The following APOO variants were observed in gnomAD, a reference collection of about 807,000 sequenced individuals.
The protein encoded by APOO is apolipoprotein O, also known as MICOS complex subunit MIC26.
Under a neutral mutation model 23.1 loss-of-function variants are expected in APOO, and 11 were observed. The observed-to-expected ratio is 0.48, with a 90% CI of 0.30 to 0.79. The LOEUF (loss-of-function observed/expected upper bound fraction) is 0.79. APOO is among the 30% of genes least tolerant of loss of function. The pLI, the probability that APOO is intolerant of heterozygous loss-of-function variation, is 0.07. For synonymous variants in APOO, 59 were observed against 54.8 expected (o/e 1.08, Z -0.34); for missense variants, 160 against 142.7 (o/e 1.12, Z -0.62).
chrX:23,856,222 G>A, intron 7 of APOO, 80 bp downstream of exon 7: 1 of 959,039 alleles, frequency 1.0e-6, no homozygotes, highest in East Asian at 3.1e-5. Flanking sequence ...AAATCAACAG[G>A]GTTATCAAAT....
intron 5 of APOO, among the ~76,000 whole-genome samples, chrX:23,867,954 C>T (rs1472128032): frequency 1.8e-5 from 2 of 112,172 alleles, no homozygotes; most frequent in East Asian, 5.5e-4. Context: ...GGTCTGATTA[C>T]AGGATTCATA....
chrX:23,840,444 G>C lies in APOO; in HGVS notation c.562-67C>G, dbSNP rs1302565151. The C allele has an allele frequency of 4.0e-6, 4 of 997,846 alleles. No homozygotes were observed. In the African/African-American group the frequency reaches 7.8e-5, roughly 19 times the overall value. 82.2% of individuals were successfully genotyped at this position (997,846 alleles called of 1,213,427 possible). ...AAATAGTGCAACTCCTTAGTGTCCT[G>C]AGTATTTGGCTGAACATGAACATTA... On this transcript the variant is annotated intron_variant, in intron 7 of 8. Transcript: ENST00000379226.
chrX:23,891,423 C>T (rs1048793106), intron 1 of APOO, among the ~76,000 whole-genome samples: 2 of 111,445 alleles, frequency 1.8e-5, no homozygotes, highest in African/African-American at 6.5e-5. Context: ...GACAGGGTTT[C>T]GCCATGTTGG....
Position 23,907,689 on chromosome X carries a change from C to G in APOO, c.9+5G>C. The G allele has an allele frequency of 8.6e-7, 1 of 1,159,709 alleles. No individual in the cohort carries two copies. Among genetic ancestry groups the G allele is most frequent in the Non-Finnish European group, 1.1e-6 (1 of 870,193 alleles). On this transcript the variant is annotated splice_donor_5th_base_variant and intron_variant, in intron 1 of 8. Coordinates refer to ENST00000379226, the MANE Select transcript of APOO (RefSeq NM_024122.5). ...GACAGCTGTGACTCGACTCCACGCT[C>G]TCACCTTGAACATGTCGCTGGCAGC...
chrX:23,896,549 T>C lies in APOO; in HGVS notation c.9+11145A>G, dbSNP rs1000811941. On this transcript the variant is annotated intron_variant, in intron 1 of 8. Transcript: ENST00000379226. Reference sequence around the variant, plus strand: ...AATCTATCCTCTCAAAACGACTGTTTTGATGCATTCATTTGAATGTAAAAT... The same window carrying C: ...AATCTATCCTCTCAAAACGACTGTTCTGATGCATTCATTTGAATGTAAAAT... 2.7e-5 allele frequency among the ~76,000 whole-genome samples: 3 copies of C among 111,957 alleles called. No homozygotes were observed. In the East Asian group the frequency reaches 8.4e-4, roughly 31 times the overall value.
chrX:23,835,083 C>T (rs1293107015), intron 8 of APOO, among the ~76,000 whole-genome samples: 35 of 96,294 alleles, frequency 3.6e-4, no homozygotes, highest in African/African-American at 1.4e-3. Context: ...TTTTTTGAGA[C>T]GGAGTTTCAC....
At chrX:23,875,141 T>G (rs1319975973) in intron 3 of APOO, among the ~76,000 whole-genome samples, 2 of 108,607 alleles carry the variant, frequency 1.8e-5, no homozygotes, top group African/African-American at 6.7e-5. Context: ...TCCCAGCTAC[T>G]CGGGAGGCTG....
At chrX:23,838,134 C>T (rs1472220649) in intron 8 of APOO, among the ~76,000 whole-genome samples, 1 of 104,402 alleles carries the variant, frequency 9.6e-6, no homozygotes, top group African/African-American at 3.5e-5. Flanking sequence ...GCAGGTGGAT[C>T]ACCTGAGGTC....
intron 1 of APOO, among the ~76,000 whole-genome samples, chrX:23,899,158 C>T (rs1034146230): frequency 8.0e-5 from 9 of 111,921 alleles, no homozygotes; most frequent in Non-Finnish European, 9.4e-5. Flanking sequence ...GAATAAAACA[C>T]GCTGCATTGC....
chrX:23,895,777 G>A (rs1490178048), intron 1 of APOO, among the ~76,000 whole-genome samples: 2 of 108,578 alleles, frequency 1.8e-5, no homozygotes, highest in Non-Finnish European at 3.8e-5. Context: ...TGGTGGTGGC[G>A]GTAAAGAATC....
intron 1 of APOO, among the ~76,000 whole-genome samples, chrX:23,887,108 C>T (rs754134747): frequency 5.6e-4 from 62 of 110,130 alleles, no homozygotes; most frequent in Non-Finnish European, 8.9e-4. Flanking sequence ...GGATGGGTTG[C>T]TTTGTGAGAC....
intron 8 of APOO, among the ~76,000 whole-genome samples, chrX:23,837,834 A>AT (rs1923768375): frequency 1.9e-5 from 2 of 105,347 alleles, no homozygotes; most frequent in African/African-American, 6.9e-5. Flanking sequence ...AATTTTTTTA[A>AT]TTTTTTGTAG....
chrX:23,837,361 G>T, intron 8 of APOO: 1 of 824,455 alleles, frequency 1.2e-6, no homozygotes, highest in Non-Finnish European at 1.7e-6. Context: ...ATTTCTTTAT[G>T]TATGATAATA....
At chrX:23,892,356 G>C (rs1353841526) in intron 1 of APOO, among the ~76,000 whole-genome samples, 2 of 108,765 alleles carry the variant, frequency 1.8e-5, no homozygotes, top group African/African-American at 6.7e-5. Flanking sequence ...TCGGATTCAA[G>C]CGATTCTCCT....
At chrX:23,836,948 T>C (rs771984250) in intron 8 of APOO, 8 of 1,202,638 alleles carry the variant, frequency 6.7e-6, no homozygotes, top group Non-Finnish European at 7.8e-6. Flanking sequence ...ATCCGAACCC[T>C]GCGGATGTAT....
At chrX:23,904,609 C>A (rs1401135384) in intron 1 of APOO, among the ~76,000 whole-genome samples, 1 of 107,296 alleles carries the variant, frequency 9.3e-6, no homozygotes. Flanking sequence ...CGGGTTCTTG[C>A]CATTCTCCTG....
intron 3 of APOO, among the ~76,000 whole-genome samples, chrX:23,875,478 G>A: frequency 9.7e-6 from 1 of 102,585 alleles, no homozygotes; most frequent in East Asian, 3.2e-4. Context: ...GAGTGCAGTG[G>A]CGCGACCTCG....
At chrX:23,863,844 G>C (rs1925212307) in intron 5 of APOO, among the ~76,000 whole-genome samples, 1 of 110,502 alleles carries the variant, frequency 9.0e-6, no homozygotes, top group Non-Finnish European at 1.9e-5. Flanking sequence ...AGAGACAGCA[G>C]GACACAGAGC....
intron 1 of APOO, among the ~76,000 whole-genome samples, chrX:23,901,274 T>C (rs375651690): frequency 8.9e-6 from 1 of 111,865 alleles, no homozygotes; most frequent in Non-Finnish European, 1.9e-5. Context: ...AGACCAGTTT[T>C]CACTAGGCCA....
Sources: allele counts gnomAD v4.1 joint callset (sites outside exome capture counted in the v4.1 genomes callset), GRCh38; gene constraint gnomAD v4.1.1; transcripts MANE v1.5; gene names NCBI Gene and HGNC (gene_info 2026-07-23, HGNC 2026-07-21).